HSCB: variants seen among roughly 807,000 people sequenced by gnomAD.
HSCB encodes the protein iron-sulfur cluster co-chaperone protein HscB.
Under a neutral mutation model 31.3 loss-of-function variants are expected in HSCB, and 23 were observed. The observed-to-expected ratio is 0.74, with a 90% CI of 0.53 to 1.04. The LOEUF (loss-of-function observed/expected upper bound fraction) is 1.04. HSCB is among the 50% of genes least tolerant of loss of function. The pLI, the probability that HSCB is intolerant of heterozygous loss-of-function variation, is 0.00. For synonymous variants in HSCB, 110 were observed against 104.5 expected (o/e 1.05, Z -0.32); for missense variants, 297 against 288.1 (o/e 1.03, Z -0.22).
rs779979473 is a variant in HSCB at position 28,745,956 on chromosome 22, C to T, written c.516C>T (p.Leu172=). The T allele has an allele frequency of 2.7e-5, 44 of 1,613,552 alleles. No individual in the cohort carries two copies. Among genetic ancestry groups the T allele is most frequent in the East Asian group, 2.0e-4 (9 of 44,860 alleles). ...AAATAATGGAAATCAATGAAAAACTCGCAGAAGCTGAAAGTGAAGCTGCCA... is the reference window on the plus strand; with the variant it reads ...AAATAATGGAAATCAATGAAAAACTTGCAGAAGCTGAAAGTGAAGCTGCCA... The part of the protein sequence containing the change: ...LIEIMEINEK[L]AEAESEAAMK... The change falls in exon 4 of 6, where the codon CTC becomes CTT. Residue 172 remains leucine (L), a synonymous_variant. Transcript: ENST00000216027.
At chr22:28,751,520 G>A (rs1187225425) in intron 5 of HSCB, among the ~76,000 whole-genome samples, 1 of 152,170 alleles carries the variant, frequency 6.6e-6, no homozygotes, top group African/African-American at 2.4e-5. Flanking sequence ...GGCTAAGGCG[G>A]GCGGATCACG....
intron 1 of HSCB, chr22:28,742,626 G>A: frequency 2.2e-6 from 1 of 450,410 alleles, no homozygotes; most frequent in Non-Finnish European, 4.0e-6. Flanking sequence ...AGATTTGAGG[G>A]GCGGTACCTA....
At position 28,757,195 on chromosome 22, in the gene HSCB, A is replaced by G. The variant is rs779103485; in HGVS notation, c.*26A>G. On this transcript the variant is annotated 3_prime_UTR_variant, in exon 6 of 6. Coordinates refer to ENST00000216027, the MANE Select transcript of HSCB (RefSeq NM_172002.5). ...TTGTGGATAGTTTAAAGTTTAAAAA[A>G]TAAAGTTCTTGCTGGGCACAGTGGC... 1.5e-6 allele frequency: 2 copies of G among 1,291,976 alleles called. No homozygotes were observed. The highest frequency in any genetic ancestry group is 1.7e-5 in the Admixed American group (1 of 58,210). The allele number at this position is 1,291,976 out of a possible 1,614,324, so 80.0% of individuals were successfully genotyped here.
Position 28,742,062 on chromosome 22 carries a change from A to T in HSCB, c.-34A>T. The T allele has an allele frequency of 3.2e-6, 5 of 1,579,870 alleles. No individual in the cohort carries two copies. The highest frequency in any genetic ancestry group is 4.3e-6 in the Non-Finnish European group (5 of 1,164,796). On this transcript the variant is annotated 5_prime_UTR_variant, in exon 1 of 6. Transcript: ENST00000216027. ...TTAGACGCTCTCTTTGCTTTTCCCC[A>T]CGAGTGACCACGGCTAGATAGGCCG... is the stretch of plus-strand genomic sequence containing the variant.
chr22:28,742,712 A>G, intron 1 of HSCB: 1 of 275,292 alleles, frequency 3.6e-6, no homozygotes, highest in South Asian at 5.4e-5. Context: ...GGAGACTGGA[A>G]GACTTGAATG....
At chr22:28,745,720 G>C in intron 3 of HSCB, 144 bp from the exon 4 acceptor site, 1 of 632,474 alleles carries the variant, frequency 1.6e-6, no homozygotes, top group South Asian at 2.5e-5. Flanking sequence ...TTCAGTCCAA[G>C]CTTTTGATAC....
In HSCB at chr22:28,742,260, G is replaced by C. The variant is rs771426718; in HGVS notation, c.165G>C (p.Arg55Ser). The change falls in exon 1 of 6, where the codon AGG (arginine) becomes AGC (serine). Residue 55 changes from arginine (R) to serine (S), a missense_variant. Physicochemically the swap from Arg to Ser is moderately radical, Grantham distance 110 (BLOSUM62 -1). Coordinates refer to ENST00000216027, the MANE Select transcript of HSCB (RefSeq NM_172002.5). ...CATGGGGCCCCGGGCGGGAGGACAG[G>C]TTCTTCTGCCCACAGTGCCGAGCGC... ...GGPWGPGRED[R>S]FFCPQCRALQ... The C allele has an allele frequency of 2.5e-6, 4 of 1,613,968 alleles. No individual in the cohort carries two copies. In the African/African-American group the frequency reaches 5.3e-5, roughly 22 times the overall value.
At chr22:28,748,669 T>C (rs2029999980) in intron 4 of HSCB, among the ~76,000 whole-genome samples, 1 of 151,968 alleles carries the variant, frequency 6.6e-6, no homozygotes, top group South Asian at 2.1e-4. Context: ...CGTGCCACCA[T>C]GCTTGGCTAA....
intron 3 of HSCB, 29 bp from the exon 4 acceptor site, chr22:28,745,835 C>G (rs758798207): frequency 1.5e-5 from 23 of 1,580,104 alleles, no homozygotes; most frequent in Non-Finnish European, 2.0e-5. Context: ...GCTTCTTCAA[C>G]TTATTTTTCT....
At position 28,753,100 on chromosome 22, in the gene HSCB, T is replaced by A. The variant is rs188396173; in HGVS notation, c.616+1812T>A. Among the ~76,000 whole-genome samples, 609 of 150,076 alleles carry A rather than the reference T, an allele frequency of 4.1e-3. 2 individuals are homozygous for A. Among genetic ancestry groups the A allele is most frequent in the African/African-American group, 0.012 (510 of 40,804 alleles). ...TCTCAAAAAAAAAAATTATTTAGAG[T>A]GGAGGAAATTTATATAGGTCGGAAA... On this transcript the variant is annotated intron_variant, in intron 5 of 5. Coordinates refer to ENST00000216027, the MANE Select transcript of HSCB (RefSeq NM_172002.5).
chr22:28,755,606 T>G (rs2030552524), intron 5 of HSCB, among the ~76,000 whole-genome samples: 1 of 151,956 alleles, frequency 6.6e-6, no homozygotes, highest in Non-Finnish European at 1.5e-5. Context: ...GTCTCACATA[T>G]TTTTCTTTAT....
At chr22:28,750,225 G>C (rs1266432481) in intron 4 of HSCB, among the ~76,000 whole-genome samples, 3 of 127,326 alleles carry the variant, frequency 2.4e-5, no homozygotes. Context: ...CTACAGCCTG[G>C]GCAACAAGAG....
At chr22:28,745,562 T>G (rs17880015) in intron 3 of HSCB, 6 of 183,962 alleles carry the variant, frequency 3.3e-5, no homozygotes, top group Admixed American at 1.2e-4. Flanking sequence ...AAAAAAAGTA[T>G]CTTACAATCT....
chr22:28,743,980 T>G lies in HSCB; in HGVS notation c.333+2T>G. 6.2e-7 allele frequency: 1 copy of G among 1,610,542 alleles called. No homozygotes were observed. Among genetic ancestry groups the G allele is most frequent in the Non-Finnish European group, 8.5e-7 (1 of 1,176,766 alleles). ...GATTTCTTCAGCCAGAGGTCTCAGG[T>G]AGCTTATTGGCCAACCCCAATAATC... On this transcript the variant is annotated splice_donor_variant, in intron 2 of 5. Coordinates refer to ENST00000216027, the MANE Select transcript of HSCB (RefSeq NM_172002.5). LOFTEE classifies it high-confidence loss of function.
Position 28,742,301 on chromosome 22 carries a change from C to A in HSCB, c.206C>A (p.Pro69His), listed in dbSNP as rs2054580557. 5.6e-6 allele frequency: 9 copies of A among 1,614,158 alleles called. No homozygotes were observed. In the East Asian group the frequency reaches 2.0e-4, roughly 36 times the overall value. ...TGCCGAGCGCTGCAGGCACCTGACC[C>A]CACTCGAGACTACTTCAGCCTTATG... is the stretch of plus-strand genomic sequence containing the variant. ...PQCRALQAPD[P>H]TRDYFSLMDC... The change falls in exon 1 of 6, where the codon CCC becomes CAC. Residue 69 changes from proline (P) to histidine (H), a missense_variant. Physicochemically the swap from Pro to His is moderately conservative, Grantham distance 77. Transcript: ENST00000216027.
chr22:28,747,460 C>A (rs2029914686), intron 4 of HSCB, among the ~76,000 whole-genome samples: 2 of 152,240 alleles, frequency 1.3e-5, no homozygotes, highest in Middle Eastern at 3.4e-3. Flanking sequence ...ATCACCATGC[C>A]TGGCTAATTT....
Position 28,757,226 on chromosome 22 carries a change from C to T in HSCB, c.*57C>T, listed in dbSNP as rs2030667992. 4.5e-6 allele frequency: 4 copies of T among 895,496 alleles called. No homozygotes were observed. The highest frequency in any genetic ancestry group is 1.8e-6 in the Non-Finnish European group (1 of 548,714). 55.5% of individuals were successfully genotyped at this position (895,496 alleles called of 1,614,324 possible). ...TTCTTGCTGGGCACAGTGGCTCACA[C>T]CTGTAATCCCAGCACTTTGGGAGGC... On this transcript the variant is annotated 3_prime_UTR_variant, in exon 6 of 6. Coordinates refer to ENST00000216027, the MANE Select transcript of HSCB (RefSeq NM_172002.5).
At chr22:28,757,008 C>T in intron 5 of HSCB, 70 bp from the exon 6 acceptor site, 1 of 866,298 alleles carries the variant, frequency 1.2e-6, no homozygotes, top group Non-Finnish European at 2.0e-6. Context: ...ATATCGCTGC[C>T]CTAGTCATCA....
At chr22:28,749,159 CT>C in intron 4 of HSCB, among the ~76,000 whole-genome samples, 2 of 137,302 alleles carry the variant, frequency 1.5e-5, no homozygotes, top group African/African-American at 5.6e-5. Context: ...AAAAAAAAAA[CT>C]TTTAAGTGGC....
Sources: gnomAD v4.1 joint callset for allele counts (sites outside exome capture counted in the v4.1 genomes callset) on GRCh38, gnomAD v4.1.1 for gene constraint, MANE v1.5 for transcripts, NCBI Gene and HGNC (gene_info 2026-07-23, HGNC 2026-07-21) for gene names.